SH3TC1: variants seen among roughly 807,000 people sequenced by gnomAD.
The protein encoded by SH3TC1 is SH3 domain and tetratricopeptide repeat-containing protein 1.
A neutral mutation model predicts 117.3 loss-of-function variants in SH3TC1; 135 were observed. The observed-to-expected ratio is 1.15, with a 90% CI of 1.00 to 1.33. The LOEUF is 1.33. SH3TC1 is among the 40% of genes most tolerant of loss of function. The probability of loss-of-function intolerance (pLI) is 0.00; values close to 1 mark genes in which losing one functional copy is unlikely to be tolerated. For missense variants in SH3TC1, 2,092 were observed against 1,794.3 expected, an observed-to-expected ratio of 1.17 and a Z score of -3.00; for synonymous variants, 898 against 816.9, an observed-to-expected ratio of 1.10 and a Z score of -1.69.
chr4:8,228,831 C>T (rs539007578), intron 12 of SH3TC1, among the ~76,000 whole-genome samples, 187 bp downstream of exon 12: 1 of 152,382 alleles, frequency 6.6e-6, no homozygotes, highest in East Asian at 1.9e-4. Context: ...CCTCTCTGCC[C>T]TACTGGGGGA....
chr4:8,214,614 G>T (rs140798157), intron 5 of SH3TC1, 34 bp downstream of exon 5: 1 of 1,569,352 alleles, frequency 6.4e-7, no homozygotes, highest in Non-Finnish European at 8.8e-7. Context: ...TTGGTCATGG[G>T]GACGCCCGTC....
At position 8,205,451 on chromosome 4, in the gene SH3TC1, C is replaced by A; in HGVS notation, c.172+85C>A. 1 of 1,535,058 alleles carries A rather than the reference C, an allele frequency of 6.5e-7. No individual in the cohort carries two copies. Among genetic ancestry groups the A allele is most frequent in the Non-Finnish European group, 8.9e-7 (1 of 1,121,318 alleles). On this transcript the variant is annotated intron_variant, in intron 2 of 17. Coordinates refer to ENST00000245105, the MANE Select transcript of SH3TC1 (RefSeq NM_018986.5). The surrounding 1 kb of genome is among the most constrained non-coding windows in gnomAD (Gnocchi z 5.4). Reference sequence around the variant, plus strand: ...GCCCCGTCCATCCATCCCTCACCACCCTGCCTGCCTCCAGGCCTCTTGGGG... The same window carrying A: ...GCCCCGTCCATCCATCCCTCACCACACTGCCTGCCTCCAGGCCTCTTGGGG...
rs1396730131 is a variant in SH3TC1, at chr4:8,230,701, TC to T, written c.2951-1274del. ...TTTTTGATTTGAGATTTTTCTTCTT[TC>T]TTTGCATGTAGACATTTAGAGTTAC... is the stretch of plus-strand genomic sequence containing the variant. On this transcript the variant is annotated intron_variant, in intron 12 of 17. Transcript: ENST00000245105. 4.6e-5 allele frequency among the ~76,000 whole-genome samples: 7 copies of T among 150,904 alleles called. No homozygotes were observed. The South Asian group carries it at 6.2e-4, about 13-fold the overall frequency.
intron 17 of SH3TC1, among the ~76,000 whole-genome samples, chr4:8,238,446 G>A (rs1722019236): frequency 6.6e-6 from 1 of 152,216 alleles, no homozygotes; most frequent in Non-Finnish European, 1.5e-5. Context: ...CCCCTACTCA[G>A]CATCACACTG....
intron 17 of SH3TC1, among the ~76,000 whole-genome samples, chr4:8,240,215 C>T (rs954613415): frequency 1.3e-5 from 2 of 152,192 alleles, no homozygotes; most frequent in Non-Finnish European, 2.9e-5. Context: ...GGGCATCACA[C>T]TCCGTCAATA....
Position 8,228,505 on chromosome 4 carries a change from C to G in SH3TC1, c.2811C>G (p.Pro937=). The change falls in exon 12 of 18, where the codon CCC becomes CCG. Residue 937 remains proline, a synonymous_variant. Transcript: ENST00000245105. The part of the protein sequence containing the change: ...LEAVRLFSRL[P]LGECGRDFTH... ...CCGTGCGGCTGTTCTCGAGGCTGCC[C>G]CTTGGGGAGTGTGGCCGGGACTTCA... 6.2e-7 allele frequency: 1 copy of G among 1,611,648 alleles called. No homozygotes were observed. Among genetic ancestry groups the G allele is most frequent in the Non-Finnish European group, 8.5e-7 (1 of 1,179,602 alleles).
rs991730092 is a variant in SH3TC1 at position 8,240,566 on chromosome 4, T to C, written c.3754-132T>C. On this transcript the variant is annotated intron_variant, in intron 17 of 17. Transcript: ENST00000245105. The stretch of plus-strand genomic sequence containing the variant: ...CCTCCTGCAGCTGAGCCCACAGCAG[T>C]GTCACAGGCTTCGGGGCTCATGGGG... 2.2e-5 allele frequency: 31 copies of C among 1,415,036 alleles called. No individual in the cohort carries two copies. In the African/African-American group the frequency reaches 3.0e-4, roughly 14 times the overall value. The allele number at this position is 1,415,036 out of a possible 1,614,324, so 87.7% of individuals were successfully genotyped here. A position where few individuals can be genotyped will look rare whatever the true frequency, so the allele number is the denominator to read the frequency against.
At chr4:8,201,846 G>A in intron 1 of SH3TC1, 1 of 152,506 alleles carries the variant, frequency 6.6e-6, no homozygotes, top group Non-Finnish European at 1.5e-5. Flanking sequence ...AGGGGGAGGT[G>A]GTGGGCTGGG....
chr4:8,230,059 G>T, intron 12 of SH3TC1, among the ~76,000 whole-genome samples: 1 of 151,860 alleles, frequency 6.6e-6, no homozygotes, highest in Non-Finnish European at 1.5e-5. Context: ...TCCCCACCCC[G>T]CGTTGAACAG....
In SH3TC1 at chr4:8,232,167, G is replaced by C. The variant is rs1022223714; in HGVS notation, c.3131+11G>C. The C allele has an allele frequency of 2.3e-6, 3 of 1,287,582 alleles. No individual in the cohort carries two copies. The highest frequency in any genetic ancestry group is 5.0e-5 in the East Asian group (1 of 19,878). The allele number at this position is 1,287,582 out of a possible 1,614,324, so 79.8% of individuals were successfully genotyped here. On this transcript the variant is annotated intron_variant, in intron 13 of 17. Transcript: ENST00000245105. ...CCTGGGCACCGAGCGGTGAGGGCTG[G>C]CTCTGTGGTGGTGGGGGCGGGGGGA...
chr4:8,232,656 G>T (rs1165445834), intron 13 of SH3TC1: 2 of 1,294,504 alleles, frequency 1.5e-6, no homozygotes, highest in South Asian at 2.5e-5. Flanking sequence ...GGCTCTCCTG[G>T]AGCATCCTGA....
chr4:8,240,783 A>G lies in SH3TC1; in HGVS notation c.3839A>G (p.Tyr1280Cys). ...LGNKKAQLKIYTRLATIYHNF... is the reference protein window; with the variant it reads ...LGNKKAQLKICTRLATIYHNF... The stretch of plus-strand genomic sequence containing the variant: ...AACAAGAAGGCACAGCTGAAGATCT[A>G]CACGCGGCTGGCCACCATCTACCAC... Residue 1280 changes from tyrosine to cysteine, a missense_variant, in exon 18 of 18, where the codon TAC becomes TGC. By Grantham distance (194) the Tyr-to-Cys change is radical. Transcript: ENST00000245105. 1 of 1,614,116 alleles carries G rather than the reference A, an allele frequency of 6.2e-7. No homozygotes were observed.
intron 9 of SH3TC1, among the ~76,000 whole-genome samples, chr4:8,220,909 G>A (rs144847209): frequency 1.4e-3 from 213 of 152,376 alleles, no homozygotes; most frequent in Admixed American, 3.9e-3. Flanking sequence ...AGCTAGACCA[G>A]CAGTTCCCAA....
At chr4:8,239,598 G>A (rs1413171957) in intron 17 of SH3TC1, among the ~76,000 whole-genome samples, 3 of 151,008 alleles carry the variant, frequency 2.0e-5, no homozygotes, top group East Asian at 2.0e-4. Flanking sequence ...ACACAGGCAC[G>A]TGCACACACA....
intron 10 of SH3TC1, among the ~76,000 whole-genome samples, chr4:8,223,322 C>T (rs1030802664): frequency 2.0e-5 from 3 of 152,248 alleles, no homozygotes; most frequent in African/African-American, 7.2e-5. Context: ...GCCCAGCCCT[C>T]TGCCCACTGC....
rs769417147 is a variant in SH3TC1, at chr4:8,210,891, G to C, written c.247+1069G>C. On this transcript the variant is annotated intron_variant, in intron 3 of 17. Transcript: ENST00000245105. This position sits in a 1 kb window ranked among gnomAD's most constrained non-coding sequence, Gnocchi z 4.1. ...CCCGGTTGGCCCTTCCCCCATAGGG[G>C]GTGAGGGTGTTTGCTCAAGGGTCCC... Among the ~76,000 whole-genome samples, 25 of 151,860 alleles carry C rather than the reference G, an allele frequency of 1.6e-4. No homozygotes were observed. The highest frequency in any genetic ancestry group is 3.4e-4 in the Non-Finnish European group (23 of 67,994).
At chr4:8,238,291 G>A (rs917018479) in intron 17 of SH3TC1, among the ~76,000 whole-genome samples, 1 of 152,220 alleles carries the variant, frequency 6.6e-6, no homozygotes, top group South Asian at 2.1e-4. Context: ...CAGACAGCCA[G>A]GCTGAGGCCT....
In SH3TC1 at chr4:8,227,042, C is replaced by T. The variant is rs748782394; in HGVS notation, c.1348C>T (p.Leu450=). The part of the protein sequence containing the change: ...QETLQKVKNV[L]EQCKTCPGCP... ...GACCTTGCAGAAGGTGAAGAATGTT[C>T]TGGAACAATGCAAGACCTGCCCAGG... The change falls in exon 12 of 18, where the codon CTG becomes TTG. Residue 450 remains leucine, a synonymous_variant. Coordinates refer to ENST00000245105, the MANE Select transcript of SH3TC1 (RefSeq NM_018986.5). The T allele has an allele frequency of 1.9e-6, 3 of 1,593,710 alleles. No individual in the cohort carries two copies. Among genetic ancestry groups the T allele is most frequent in the African/African-American group, 2.7e-5 (2 of 73,816 alleles).
Position 8,228,183 on chromosome 4 carries a change from C to A in SH3TC1, c.2489C>A (p.Ala830Asp). Residue 830 changes from alanine (A) to aspartate (D), a missense_variant, in exon 12 of 18, where the codon GCC (alanine) becomes GAC (aspartate). Transcript: ENST00000245105. Reference protein sequence around the residue: ...GVRAIVDHLVALAWLHVLHGQ... With the variant: ...GVRAIVDHLVDLAWLHVLHGQ... Reference sequence around the variant, plus strand: ...CGTGCCATCGTGGACCACCTGGTGGCCCTGGCCTGGCTGCACGTGCTTCAT... The same window carrying A: ...CGTGCCATCGTGGACCACCTGGTGGACCTGGCCTGGCTGCACGTGCTTCAT... 6.2e-7 allele frequency: 1 copy of A among 1,610,540 alleles called. No individual in the cohort carries two copies. The highest frequency in any genetic ancestry group is 8.5e-7 in the Non-Finnish European group (1 of 1,178,406).
Sources: gnomAD v4.1 joint callset for allele counts (sites outside exome capture counted in the v4.1 genomes callset) on GRCh38, gnomAD v4.1.1 for gene constraint, Gnocchi (gnomAD v3.1) non-coding constraint, MANE v1.5 for transcripts, NCBI Gene and HGNC (gene_info 2026-07-23, HGNC 2026-07-21) for gene names.